UBXN4: variants seen among roughly 807,000 people sequenced by gnomAD.
The protein encoded by UBXN4 is UBX domain-containing protein 4.
UBXN4 carries 35 observed loss-of-function variants against 66.2 expected under a neutral mutation model. The observed-to-expected ratio is 0.53, with a 90% CI of 0.40 to 0.70. UBXN4 has a LOEUF of 0.70. Among genes scored for constraint, UBXN4 ranks in the 30% least tolerant of loss-of-function variants. The pLI is 0.00. For missense variants in UBXN4, 533 were observed against 599.8 expected (o/e 0.89, Z 1.16); for synonymous variants, 203 against 204.5 (o/e 0.99, Z 0.06).
chr2:135,780,987 G>A (rs1250543065), intron 12 of UBXN4, among the ~76,000 whole-genome samples: 1 of 152,248 alleles, frequency 6.6e-6, no homozygotes, highest in African/African-American at 2.4e-5. Context: ...CACTTTGGGA[G>A]GCTGAGGCGA....
intron 11 of UBXN4, among the ~76,000 whole-genome samples, chr2:135,779,790 C>T (rs929411675): frequency 6.8e-6 from 1 of 147,534 alleles, no homozygotes; most frequent in African/African-American, 2.5e-5. Context: ...AATATTATAA[C>T]ATAAAATTAC....
At chr2:135,755,773 ATATTG>A in intron 5 of UBXN4, 82 bp downstream of exon 5, 5 of 892,106 alleles carry the variant, frequency 5.6e-6, no homozygotes, top group Non-Finnish European at 7.1e-6. Context: ...TTTTAAAAAT[ATATTG>A]TATGTATTTT....
chr2:135,765,178 TA>T (rs2077339443), intron 6 of UBXN4, among the ~76,000 whole-genome samples: 1 of 152,114 alleles, frequency 6.6e-6, no homozygotes, highest in South Asian at 2.1e-4. Context: ...AATCTTTAGT[TA>T]AAATGCATTA....
chr2:135,766,835 A>C (rs1006370677), intron 6 of UBXN4, among the ~76,000 whole-genome samples: 1 of 151,960 alleles, frequency 6.6e-6, no homozygotes, highest in African/African-American at 2.4e-5. Context: ...CTGCTTAAAA[A>C]CTTCACCCGG....
intron 1 of UBXN4, among the ~76,000 whole-genome samples, chr2:135,747,405 C>T (rs1418925405): frequency 6.6e-6 from 1 of 151,388 alleles, no homozygotes; most frequent in East Asian, 1.9e-4. Flanking sequence ...CCAGAAGGCT[C>T]CTTCATGCTC....
At position 135,748,268 on chromosome 2, in the gene UBXN4, T is replaced by C. The variant is rs1345944379; in HGVS notation, c.84T>C (p.Gly28=). 6.4e-7 allele frequency: 1 copy of C among 1,563,798 alleles called. No homozygotes were observed. The change falls in exon 2 of 13, where the codon GGT becomes GGC. Residue 28 remains glycine (G), a splice_region_variant and synonymous_variant. Coordinates refer to ENST00000272638, the MANE Select transcript of UBXN4 (RefSeq NM_014607.4). ...AAGAATTTTTGAAATGTTTTACAGG[T>C]GATGATGAACAGTCTACACAGATGG... The part of the protein sequence containing the change: ...SGAVFVVFVA[G]DDEQSTQMAA...
intron 11 of UBXN4, 104 bp downstream of exon 11, chr2:135,779,183 G>A: frequency 1.6e-6 from 2 of 1,229,612 alleles, no homozygotes; most frequent in Non-Finnish European, 2.1e-6. Flanking sequence ...ATATACTGAA[G>A]GTAATTAAAA....
intron 2 of UBXN4, among the ~76,000 whole-genome samples, chr2:135,751,489 T>C (rs566636431): frequency 2.6e-5 from 4 of 151,574 alleles, no homozygotes; most frequent in African/African-American, 9.7e-5. Flanking sequence ...TGCCTGGCCT[T>C]AAAAACAAAT....
chr2:135,779,014 G>A lies in UBXN4; in HGVS notation c.1120G>A (p.Glu374Lys), dbSNP rs752383892. Residue 374 changes from glutamate (E) to lysine (K), a missense_variant, in exon 11 of 13, where the codon GAA (glutamate) becomes AAA (lysine). Coordinates refer to ENST00000272638, the MANE Select transcript of UBXN4 (RefSeq NM_014607.4). ...TMFPRREFTK[E>K]DYKKKLLDLE... ...GTTTCCCAGGAGGGAATTTACCAAA[G>A]AAGATTATAAAAAGAAGTTACTGGA... 7 of 1,613,776 alleles carry A rather than the reference G, an allele frequency of 4.3e-6. No individual in the cohort carries two copies. The highest frequency in any genetic ancestry group is 5.9e-6 in the Non-Finnish European group (7 of 1,179,874).
intron 6 of UBXN4, among the ~76,000 whole-genome samples, chr2:135,769,442 G>A (rs1243993750): frequency 6.6e-6 from 1 of 151,248 alleles, no homozygotes; most frequent in African/African-American, 2.4e-5. Context: ...TATATAAGGA[G>A]TAGAGCATTT....
intron 1 of UBXN4, among the ~76,000 whole-genome samples, chr2:135,745,519 A>G (rs2077201877): frequency 6.6e-6 from 1 of 152,240 alleles, no homozygotes; most frequent in East Asian, 1.9e-4. Context: ...TTGAAGGCAG[A>G]CAATGTCTCA....
At position 135,745,875 on chromosome 2, in the gene UBXN4, C is replaced by CTTTTT. The variant is rs59946844; in HGVS notation, c.83-2375_83-2371dup. Among the ~76,000 whole-genome samples, 19 of 74,402 alleles carry CTTTTT rather than the reference C, an allele frequency of 2.6e-4. 4 individuals are homozygous for CTTTTT. The highest frequency in any genetic ancestry group is 3.0e-4 in the Non-Finnish European group (13 of 42,870). 48.8% of individuals were successfully genotyped at this position (74,402 alleles called of 152,430 possible). On this transcript the variant is annotated intron_variant, in intron 1 of 12. Transcript: ENST00000272638. Reference sequence around the variant, plus strand: ...TGTGGATGCATTCTAGTCCCGTTTACTTTTTTTTTTTTTTTTTTTTTGAGA... The same window carrying CTTTTT: ...TGTGGATGCATTCTAGTCCCGTTTACTTTTTTTTTTTTTTTTTTTTTTTTTTGAGA...
chr2:135,746,118 C>A (rs895898089), intron 1 of UBXN4, among the ~76,000 whole-genome samples: 2 of 151,942 alleles, frequency 1.3e-5, no homozygotes, highest in African/African-American at 2.4e-5. Context: ...CCTCGTGATC[C>A]GTCCGCCTAA....
intron 9 of UBXN4, 136 bp downstream of exon 9, chr2:135,772,683 C>A: frequency 9.1e-7 from 1 of 1,092,908 alleles, no homozygotes; most frequent in South Asian, 1.6e-5. Context: ...TGACAGCTCC[C>A]AATGGTATCT....
At chr2:135,742,477 G>T (rs951639754) in intron 1 of UBXN4, 1 of 154,082 alleles carries the variant, frequency 6.5e-6, no homozygotes, top group Non-Finnish European at 1.4e-5. Context: ...TCGTCGCCCC[G>T]AGCCTCTCCC....
chr2:135,758,176 G>A (rs1244452340), intron 5 of UBXN4, among the ~76,000 whole-genome samples: 2 of 151,548 alleles, frequency 1.3e-5, no homozygotes, highest in South Asian at 2.1e-4. Context: ...CTAGGTTCAA[G>A]CGATTCTCCT....
At chr2:135,780,817 T>C (rs942282259) in intron 12 of UBXN4, among the ~76,000 whole-genome samples, 1 of 152,232 alleles carries the variant, frequency 6.6e-6, no homozygotes, top group Non-Finnish European at 1.5e-5. Context: ...GTTGGTTCTT[T>C]TATCTACCGG....
chr2:135,768,065 A>G (rs2077358382), intron 6 of UBXN4, among the ~76,000 whole-genome samples: 1 of 152,058 alleles, frequency 6.6e-6, no homozygotes, highest in African/African-American at 2.4e-5. Flanking sequence ...AGAAAATACC[A>G]TTTTCATTTA....
chr2:135,746,687 AC>A (rs1177949600), intron 1 of UBXN4, among the ~76,000 whole-genome samples: 4 of 152,178 alleles, frequency 2.6e-5, no homozygotes, highest in African/African-American at 7.2e-5. Flanking sequence ...TAGTACAAAG[AC>A]CTTATGGCTG....
Sources: allele counts gnomAD v4.1 joint callset (sites outside exome capture counted in the v4.1 genomes callset), GRCh38; gene constraint gnomAD v4.1.1; transcripts MANE v1.5; gene names NCBI Gene and HGNC (gene_info 2026-07-23, HGNC 2026-07-21).